CPNE4: variants seen among roughly 807,000 people sequenced by gnomAD.
CPNE4 encodes copine 4, also known as copine-4.
Under a neutral mutation model 67.9 loss-of-function variants are expected in CPNE4, and 25 were observed. The ratio of observed to expected loss-of-function variants is 0.37; its 90% CI spans 0.27 to 0.51. The LOEUF (loss-of-function observed/expected upper bound fraction) is 0.51. Ranked by LOEUF, CPNE4 falls within the 20% of genes least tolerant of loss-of-function variation. The probability of loss-of-function intolerance (pLI) is 0.93; values close to 1 mark genes in which losing one functional copy is unlikely to be tolerated. For synonymous variants in CPNE4, 242 were observed against 244.9 expected (o/e 0.99, Z 0.11); for missense variants, 464 against 690.8 (o/e 0.67, Z 3.68).
chr3:131,869,337 G>C (rs1388817458), intron 2 of CPNE4, among the ~76,000 whole-genome samples: 1 of 152,104 alleles, frequency 6.6e-6, no homozygotes, highest in African/African-American at 2.4e-5. Context: ...GAAGCATAAA[G>C]AATAGAAATA....
intron 3 of CPNE4, among the ~76,000 whole-genome samples, chr3:131,722,112 A>T (rs944556106): frequency 6.6e-6 from 1 of 152,174 alleles, no homozygotes; most frequent in African/African-American, 2.4e-5. Flanking sequence ...TCACTGGGAG[A>T]AATTTCTTTT....
chr3:131,944,919 C>G (rs1214946922), intron 1 of CPNE4, among the ~76,000 whole-genome samples: 1 of 152,120 alleles, frequency 6.6e-6, no homozygotes, highest in African/African-American at 2.4e-5. Flanking sequence ...CCAGGGCTGG[C>G]AGATGTTTCT....
intron 2 of CPNE4, among the ~76,000 whole-genome samples, chr3:131,752,913 C>T (rs2082665267): frequency 6.6e-6 from 1 of 151,720 alleles, no homozygotes; most frequent in African/African-American, 2.4e-5. Flanking sequence ...AAATTTATAT[C>T]AAAGAAGAAA....
At chr3:131,743,825 T>C (rs568890204) in intron 2 of CPNE4, among the ~76,000 whole-genome samples, 105 of 151,342 alleles carry the variant, frequency 6.9e-4, no homozygotes, top group African/African-American at 2.3e-3. Flanking sequence ...TAGCCGGGCG[T>C]GGTAGCGGGC....
At chr3:131,939,015 T>C (rs2071307133) in intron 1 of CPNE4, among the ~76,000 whole-genome samples, 1 of 152,268 alleles carries the variant, frequency 6.6e-6, no homozygotes, top group South Asian at 2.1e-4. Flanking sequence ...GAATGGGCAC[T>C]CTCTTGCACC....
chr3:131,824,415 G>A (rs531584310), intron 2 of CPNE4, among the ~76,000 whole-genome samples: 1 of 152,220 alleles, frequency 6.6e-6, no homozygotes, highest in South Asian at 2.1e-4. Flanking sequence ...TAATCAAGAC[G>A]GAATTTTTTA....
intron 10 of CPNE4, among the ~76,000 whole-genome samples, chr3:131,573,109 C>A (rs1487095963): frequency 6.6e-6 from 1 of 152,076 alleles, no homozygotes; most frequent in African/African-American, 2.4e-5. Context: ...TTTAGTAGAA[C>A]ACTGGGAATA....
chr3:131,594,090 A>C (rs1938701262), intron 7 of CPNE4, among the ~76,000 whole-genome samples: 1 of 152,138 alleles, frequency 6.6e-6, no homozygotes, highest in Non-Finnish European at 1.5e-5. Context: ...CTTAGAGAAG[A>C]AGCTTTTAAT....
intron 7 of CPNE4, among the ~76,000 whole-genome samples, chr3:131,663,708 T>C (rs1376425309): frequency 1.3e-5 from 2 of 152,154 alleles, no homozygotes; most frequent in East Asian, 3.9e-4. Context: ...CATGGCTGTT[T>C]TAAACCAACC....
chr3:131,710,187 A>T (rs919467118), intron 3 of CPNE4, among the ~76,000 whole-genome samples: 1 of 152,214 alleles, frequency 6.6e-6, no homozygotes, highest in Non-Finnish European at 1.5e-5. Flanking sequence ...CATTAGATAG[A>T]TGCATTATTC....
At position 131,820,059 on chromosome 3, in the gene CPNE4, C is replaced by T. The variant is rs552444237; in HGVS notation, c.180+85205G>A. On this transcript the variant is annotated intron_variant, in intron 2 of 15. Transcript: ENST00000429747. ...TTACGTCCCTGAATCTCAATTCCCT[C>T]ATTTGTTACAATGGGAAAAATATTA... Among the ~76,000 whole-genome samples the T allele has an allele frequency of 1.3e-4, 20 of 152,316 alleles. No individual in the cohort carries two copies. The South Asian group carries it at 3.7e-3, about 28-fold the overall frequency.
chr3:131,676,514 C>G (rs2080572067), intron 6 of CPNE4, among the ~76,000 whole-genome samples: 1 of 152,000 alleles, frequency 6.6e-6, no homozygotes, highest in Non-Finnish European at 1.5e-5. Flanking sequence ...GTTATTTTTC[C>G]TACTTCTCTC....
chr3:131,726,587 C>T (rs185033310), intron 2 of CPNE4, among the ~76,000 whole-genome samples: 1 of 151,878 alleles, frequency 6.6e-6, no homozygotes, highest in African/African-American at 2.4e-5. Flanking sequence ...TTTTCTGGTG[C>T]CTAATCCAGG....
intron 1 of CPNE4, among the ~76,000 whole-genome samples, chr3:131,950,761 C>T (rs547175372): frequency 2.0e-5 from 3 of 152,276 alleles, no homozygotes; most frequent in Admixed American, 6.5e-5. Flanking sequence ...TTATTCAAAA[C>T]GTGTGTACCT....
intron 1 of CPNE4, 56 bp from the exon 2 acceptor site, chr3:131,905,500 C>A: frequency 1.3e-6 from 2 of 1,484,064 alleles, no homozygotes; most frequent in Admixed American, 2.1e-5. Flanking sequence ...CAATATTTGT[C>A]AAAGGAGAAA....
At chr3:131,827,899 G>C (rs2085225358) in intron 2 of CPNE4, among the ~76,000 whole-genome samples, 1 of 151,946 alleles carries the variant, frequency 6.6e-6, no homozygotes, top group Non-Finnish European at 1.5e-5. Context: ...CTGAGGACCT[G>C]ACAGATTCTT....
intron 2 of CPNE4, among the ~76,000 whole-genome samples, chr3:131,900,941 A>G (rs557390714): frequency 2.0e-5 from 3 of 152,240 alleles, no homozygotes; most frequent in African/African-American, 7.2e-5. Context: ...CTTCCAAGAA[A>G]GATCTCAATG....
chr3:131,584,853 C>T (rs1044922481), intron 8 of CPNE4, among the ~76,000 whole-genome samples: 4 of 152,206 alleles, frequency 2.6e-5, no homozygotes, highest in African/African-American at 9.6e-5. Flanking sequence ...TAAATAGCCA[C>T]ATGTAGCTAG....
chr3:131,692,736 A>G (rs941608821), intron 5 of CPNE4, among the ~76,000 whole-genome samples: 1 of 152,186 alleles, frequency 6.6e-6, no homozygotes, highest in Non-Finnish European at 1.5e-5. Flanking sequence ...AGATTTGTTT[A>G]CTTATATTGC....
Sources: allele counts gnomAD v4.1 joint callset (sites outside exome capture counted in the v4.1 genomes callset), GRCh38; gene constraint gnomAD v4.1.1; transcripts MANE v1.5; gene names NCBI Gene and HGNC (gene_info 2026-07-23, HGNC 2026-07-21).